CNDP1: variants seen among roughly 807,000 people sequenced by gnomAD.
CNDP1 encodes the protein beta-Ala-His dipeptidase.
A neutral mutation model predicts 58.1 loss-of-function variants in CNDP1; 44 were observed. That is an observed-to-expected ratio of 0.76 (90% confidence interval 0.60 to 0.97). The LOEUF is 0.97. CNDP1 is among the 50% of genes least tolerant of loss of function. The pLI is 0.00. For missense variants in CNDP1, 616 were observed against 655.1 expected, an observed-to-expected ratio of 0.94 and a Z score of 0.65; for synonymous variants, 254 against 252.6, an observed-to-expected ratio of 1.01 and a Z score of -0.05.
rs148061755 is a variant in CNDP1, at chr18:74,560,302, C to T, written c.304-554C>T. Among the ~76,000 whole-genome samples the T allele has an allele frequency of 5.3e-4, 80 of 152,326 alleles. 1 individual carries two copies. In the East Asian group the frequency reaches 0.013, roughly 24 times the overall value. ...GTGCTGGGATTACAGGCATGAGCCA[C>T]CGTGCCCGGCCCGTCTGCATTCTTG... On this transcript the variant is annotated intron_variant, in intron 3 of 11. Coordinates refer to ENST00000358821, the MANE Select transcript of CNDP1 (RefSeq NM_032649.6).
chr18:74,540,142 T>C (rs558110557), intron 1 of CNDP1, among the ~76,000 whole-genome samples: 36 of 152,068 alleles, frequency 2.4e-4, no homozygotes, highest in African/African-American at 8.2e-4. Flanking sequence ...CACTTTACAT[T>C]TGTGTGGTAT....
intron 6 of CNDP1, among the ~76,000 whole-genome samples, chr18:74,568,495 G>C (rs935396833): frequency 6.6e-6 from 1 of 152,170 alleles, no homozygotes; most frequent in Non-Finnish European, 1.5e-5. Context: ...ATGATGGCTA[G>C]AGGAAGCCCT....
intron 10 of CNDP1, among the ~76,000 whole-genome samples, chr18:74,581,154 G>T (rs1039547085): frequency 3.3e-5 from 5 of 151,642 alleles, no homozygotes; most frequent in African/African-American, 1.2e-4. Flanking sequence ...CCAGAGTGAG[G>T]CAGGAAGTTG....
At chr18:74,570,726 G>A (rs1380197793) in intron 6 of CNDP1, among the ~76,000 whole-genome samples, 1 of 152,162 alleles carries the variant, frequency 6.6e-6, no homozygotes, top group Non-Finnish European at 1.5e-5. Flanking sequence ...CTTTAGAGGT[G>A]GAGGAAGAAG....
intron 6 of CNDP1, among the ~76,000 whole-genome samples, chr18:74,569,575 A>G (rs1981417829): frequency 6.6e-6 from 1 of 152,178 alleles, no homozygotes; most frequent in South Asian, 2.1e-4. Flanking sequence ...GGTTGTATTA[A>G]TAGCATCTCT....
At chr18:74,575,930 C>T (rs1380518186) in intron 7 of CNDP1, among the ~76,000 whole-genome samples, 7 of 135,446 alleles carry the variant, frequency 5.2e-5, no homozygotes, top group African/African-American at 1.1e-4. Flanking sequence ...AGTAGAGTGG[C>T]GTGATCTGGG....
chr18:74,583,608 A>G lies in CNDP1; in HGVS notation c.1357A>G (p.Ile453Val). The G allele has an allele frequency of 1.2e-6, 2 of 1,614,158 alleles. No individual in the cohort carries two copies. Among genetic ancestry groups the G allele is most frequent in the Non-Finnish European group, 1.7e-6 (2 of 1,180,018 alleles). Residue 453 changes from isoleucine to valine, a missense_variant, in exon 11 of 12, where the codon ATT becomes GTT. Ile to Val is a conservative substitution (Grantham distance 29). Transcript: ENST00000358821. ...DMIRDGSTIP[I>V]AKMFQEIVHK... ...GATCCGGGATGGATCCACCATTCCA[A>G]TTGCCAAAATGTTCCAGGAGATCGT...
At chr18:74,553,983 T>A (rs1306511530) in intron 1 of CNDP1, among the ~76,000 whole-genome samples, 1 of 152,186 alleles carries the variant, frequency 6.6e-6, no homozygotes, top group South Asian at 2.1e-4. Context: ...GCTCTTTGGT[T>A]GGGTCCTCGG....
chr18:74,543,997 G>A lies in CNDP1; in HGVS notation c.24+9306G>A, dbSNP rs554675964. 3.6e-4 allele frequency among the ~76,000 whole-genome samples: 55 copies of A among 152,092 alleles called. 1 individual carries two copies. In the South Asian group the frequency reaches 0.011, roughly 31 times the overall value. On this transcript the variant is annotated intron_variant, in intron 1 of 11. Coordinates refer to ENST00000358821, the MANE Select transcript of CNDP1 (RefSeq NM_032649.6). ...GCTTCTCAGGAGGCTGAGGCAGGAG[G>A]GTGGCTTGAGCCTGGGAGATCCAGG... is the stretch of plus-strand genomic sequence containing the variant.
chr18:74,556,810 G>A (rs1981054323), intron 2 of CNDP1, among the ~76,000 whole-genome samples: 1 of 152,226 alleles, frequency 6.6e-6, no homozygotes, highest in Non-Finnish European at 1.5e-5. Flanking sequence ...TAAGGCCTGG[G>A]CAGAGCTGGG....
intron 3 of CNDP1, 123 bp from the exon 4 acceptor site, chr18:74,560,733 G>C (rs190863906): frequency 2.2e-6 from 2 of 890,346 alleles, no homozygotes; most frequent in Middle Eastern, 4.5e-4. Flanking sequence ...ACTCATTTTA[G>C]AGATGGAGAA....
chr18:74,540,300 G>A (rs1043405418), intron 1 of CNDP1, among the ~76,000 whole-genome samples: 2 of 151,998 alleles, frequency 1.3e-5, no homozygotes, highest in African/African-American at 4.8e-5. Flanking sequence ...TGGGATTGCA[G>A]GTGCCCACTG....
In CNDP1 at chr18:74,559,389, C is replaced by G; in HGVS notation, c.220C>G (p.Leu74Val). 1 of 1,613,910 alleles carries G rather than the reference C, an allele frequency of 6.2e-7. No homozygotes were observed. The highest frequency in any genetic ancestry group is 1.7e-5 in the Admixed American group (1 of 60,004). The part of the protein sequence containing the change: ...VQPVPRFRQE[L>V]FRMMAVAADT... The stretch of plus-strand genomic sequence containing the variant: ...GCCTGTGCCTCGCTTCAGACAAGAG[C>G]TCTTCAGAATGATGGCCGTGGCTGC... The change falls in exon 3 of 12, where the codon CTC becomes GTC. Residue 74 changes from leucine (L) to valine (V), a missense_variant. Physicochemically the swap from Leu to Val is conservative, Grantham distance 32. Transcript: ENST00000358821.
At chr18:74,576,626 C>A in intron 7 of CNDP1, 1 of 395,414 alleles carries the variant, frequency 2.5e-6, no homozygotes, top group East Asian at 3.9e-5. Context: ...TGTTTTCAGC[C>A]ACACCTTTGA....
rs924404064 is a variant in CNDP1, at chr18:74,584,766, T to C, written c.*204T>C. ...TTGGAAATGGTTTAAGGTCCCCCAC[T>C]GCACACCTTCCTCAAGTCATAGCTG... is the stretch of plus-strand genomic sequence containing the variant. On this transcript the variant is annotated 3_prime_UTR_variant, in exon 12 of 12. Coordinates refer to ENST00000358821, the MANE Select transcript of CNDP1 (RefSeq NM_032649.6). The C allele has an allele frequency of 3.7e-6, 2 of 533,830 alleles. No individual in the cohort carries two copies. The highest frequency in any genetic ancestry group is 6.7e-6 in the Non-Finnish European group (2 of 298,390). 33.1% of individuals were successfully genotyped at this position (533,830 alleles called of 1,614,324 possible). A position where few individuals can be genotyped will look rare whatever the true frequency, so the allele number is the denominator to read the frequency against.
chr18:74,538,202 C>A lies in CNDP1; in HGVS notation c.24+3511C>A, dbSNP rs1255931353. Reference sequence around the variant, plus strand: ...ATGACCCTCCTATTCGCCCCTCCCTCACCTTATCCTTAAACAACTACTAAC... The same window carrying A: ...ATGACCCTCCTATTCGCCCCTCCCTAACCTTATCCTTAAACAACTACTAAC... On this transcript the variant is annotated intron_variant, in intron 1 of 11. Coordinates refer to ENST00000358821, the MANE Select transcript of CNDP1 (RefSeq NM_032649.6). 5.3e-5 allele frequency among the ~76,000 whole-genome samples: 8 copies of A among 152,218 alleles called. 1 individual carries two copies. The East Asian group carries it at 1.5e-3, about 29-fold the overall frequency.
chr18:74,577,211 T>C, intron 8 of CNDP1, 182 bp downstream of exon 8: 1 of 482,056 alleles, frequency 2.1e-6, no homozygotes, highest in Non-Finnish European at 3.5e-6. Context: ...CAACCAGTCC[T>C]TTTTCAATGG....
rs1981865729 is a variant in CNDP1, at chr18:74,584,552, A to G, written c.1514A>G (p.Gln505Arg). 1 of 1,613,398 alleles carries G rather than the reference A, an allele frequency of 6.2e-7. No homozygotes were observed. The part of the protein sequence containing the change: ...LFAAFFLEMA[Q>R]LH ...GCTGCCTTTTTCTTAGAGATGGCCC[A>G]GCTCCATTAATCACAAGAACCTTCT... is the stretch of plus-strand genomic sequence containing the variant. Residue 505 changes from glutamine (Q) to arginine (R), a missense_variant, in exon 12 of 12, where the codon CAG becomes CGG. Physicochemically the swap from Gln to Arg is conservative, Grantham distance 43. Transcript: ENST00000358821.
intron 7 of CNDP1, among the ~76,000 whole-genome samples, chr18:74,574,314 G>T (rs1041199566): frequency 6.6e-5 from 10 of 152,320 alleles, no homozygotes; most frequent in Admixed American, 3.3e-4. Context: ...TCTGAAAAGG[G>T]GCTTAGTATG....
Sources: allele counts gnomAD v4.1 joint callset (sites outside exome capture counted in the v4.1 genomes callset), GRCh38; gene constraint gnomAD v4.1.1; transcripts MANE v1.5; gene names NCBI Gene and HGNC (gene_info 2026-07-23, HGNC 2026-07-21).